The following ADPGK variants were observed in gnomAD, a reference collection of about 807,000 sequenced individuals.
The protein encoded by ADPGK is ADP dependent glucokinase.
Under a neutral mutation model 42.4 loss-of-function variants are expected in ADPGK, and 26 were observed. The ratio of observed to expected loss-of-function variants is 0.61; its 90% CI spans 0.45 to 0.85. ADPGK has a LOEUF of 0.85. Among genes scored for constraint, ADPGK ranks in the 40% least tolerant of loss-of-function variants. The probability of loss-of-function intolerance (pLI) is 0.00; values close to 1 mark genes in which losing one functional copy is unlikely to be tolerated. For synonymous variants in ADPGK, 267 were observed against 252.6 expected, an observed-to-expected ratio of 1.06 and a Z score of -0.54; for missense variants, 571 against 627.0, an observed-to-expected ratio of 0.91 and a Z score of 0.95.
At chr15:72,780,659 G>T (rs1430849897) in intron 1 of ADPGK, among the ~76,000 whole-genome samples, 1 of 152,150 alleles carries the variant, frequency 6.6e-6, no homozygotes, top group African/African-American at 2.4e-5. Context: ...AGCCGGGTGT[G>T]GTGGTACATG....
rs2066108008 is a variant in ADPGK at position 72,755,975 on chromosome 15, T to C, written c.840+276A>G. 3 of 663,000 alleles carry C rather than the reference T, an allele frequency of 4.5e-6. No homozygotes were observed. In the East Asian group the frequency reaches 8.9e-5, roughly 20 times the overall value. 41.1% of individuals were successfully genotyped at this position (663,000 alleles called of 1,614,324 possible). A position where few individuals can be genotyped will look rare whatever the true frequency, so the allele number is the denominator to read the frequency against. ...TACAAATAACACAAAGGACACAAAC[T>C]ACAAACCCTGCAGCTTGCAGCCATG... On this transcript the variant is annotated intron_variant, in intron 5 of 6. Transcript: ENST00000456471.
In ADPGK at chr15:72,783,584, C is replaced by T. The variant is rs1352541057; in HGVS notation, c.108G>A (p.Trp36Ter). ...GCGCGGGCCCCAGACACAGCGAGCT[C>T]CAGAGAGAGCGCAGCGCCGAGCCTG... ...ELPGSALRSL[W>*]SSLCLGPAPA... Residue 36 changes from tryptophan to a stop codon, truncating the protein, a stop_gained, in exon 1 of 7, where the codon TGG becomes TGA. Coordinates refer to ENST00000456471, the MANE Select transcript of ADPGK (RefSeq NM_001365225.1). LOFTEE classifies it high-confidence loss of function. 6.6e-7 allele frequency: 1 copy of T among 1,516,090 alleles called. No individual in the cohort carries two copies. The highest frequency in any genetic ancestry group is 8.8e-7 in the Non-Finnish European group (1 of 1,140,144). 93.9% of individuals were successfully genotyped at this position (1,516,090 alleles called of 1,614,324 possible). A position where few individuals can be genotyped will look rare whatever the true frequency, so the allele number is the denominator to read the frequency against.
chr15:72,760,231 C>T, intron 4 of ADPGK, 176 bp downstream of exon 4: 1 of 714,456 alleles, frequency 1.4e-6, no homozygotes, highest in South Asian at 3.1e-5. Context: ...CTCAGTCTCC[C>T]TTGAGACAAC....
At chr15:72,774,218 A>G (rs190383696) in intron 2 of ADPGK, among the ~76,000 whole-genome samples, 5 of 152,366 alleles carry the variant, frequency 3.3e-5, no homozygotes, top group Non-Finnish European at 7.3e-5. Context: ...AATGGCATTA[A>G]GAGCTTCCCT....
chr15:72,775,342 G>C (rs1217819362), intron 1 of ADPGK, among the ~76,000 whole-genome samples: 10 of 152,208 alleles, frequency 6.6e-5, no homozygotes, highest in Non-Finnish European at 1.5e-4. Flanking sequence ...GTTACAAAGT[G>C]AGAAGATAGG....
chr15:72,773,664 C>T (rs2066354918), intron 2 of ADPGK, among the ~76,000 whole-genome samples: 1 of 152,088 alleles, frequency 6.6e-6, no homozygotes, highest in African/African-American at 2.4e-5. Context: ...GGTTTAAATT[C>T]CGTAATCATA....
At chr15:72,763,318 ATTTT>A (rs34099103) in intron 3 of ADPGK, among the ~76,000 whole-genome samples, 1 of 123,676 alleles carries the variant, frequency 8.1e-6, no homozygotes, top group Admixed American at 8.1e-5. Context: ...CACTCGGCTA[ATTTT>A]TTTTTTTTTT....
At chr15:72,771,740 C>T in intron 3 of ADPGK, 43 bp downstream of exon 3, 2 of 1,548,480 alleles carry the variant, frequency 1.3e-6, no homozygotes, top group Non-Finnish European at 1.8e-6. Context: ...ATTATTGAAA[C>T]ACTAGGGAAA....
At chr15:72,780,242 G>A (rs1315959520) in intron 1 of ADPGK, among the ~76,000 whole-genome samples, 2 of 152,182 alleles carry the variant, frequency 1.3e-5, no homozygotes, top group Non-Finnish European at 2.9e-5. Context: ...CATTCATGGT[G>A]GAAGGTGAAG....
intron 3 of ADPGK, among the ~76,000 whole-genome samples, chr15:72,770,023 G>C (rs922659627): frequency 1.3e-5 from 2 of 152,212 alleles, no homozygotes; most frequent in Admixed American, 1.3e-4. Flanking sequence ...AAAATACCTA[G>C]TTCTTAATCT....
In ADPGK at chr15:72,776,189, GAGAA is replaced by G. The variant is rs573093127; in HGVS notation, c.234-1096_234-1093del. On this transcript the variant is annotated intron_variant, in intron 1 of 6. Transcript: ENST00000456471. Reference sequence around the variant, plus strand: ...GCATGACCTCTCCTATGTGTGTATGGAGAAAGTCTGTCTTACATTTTCAGGGTTT... The same window carrying G: ...GCATGACCTCTCCTATGTGTGTATGGAGTCTGTCTTACATTTTCAGGGTTT... Among the ~76,000 whole-genome samples the G allele has an allele frequency of 3.2e-4, 48 of 152,278 alleles. No individual in the cohort carries two copies. In the East Asian group the frequency reaches 9.1e-3, roughly 29 times the overall value.
intron 6 of ADPGK, 95 bp from the exon 7 acceptor site, chr15:72,752,990 A>G: frequency 7.7e-7 from 1 of 1,295,110 alleles, no homozygotes. Flanking sequence ...CAGGGAACAC[A>G]GGCAGGCAGC....
intron 3 of ADPGK, among the ~76,000 whole-genome samples, chr15:72,761,143 G>A (rs1310475625): frequency 6.6e-6 from 1 of 152,168 alleles, no homozygotes; most frequent in Non-Finnish European, 1.5e-5. Flanking sequence ...TCTCCACTGT[G>A]AGAAAATAAA....
Position 72,771,861 on chromosome 15 carries a change from A to G in ADPGK, c.460-16T>C, listed in dbSNP as rs1262469955. 6.2e-7 allele frequency: 1 copy of G among 1,600,512 alleles called. No homozygotes were observed. The highest frequency in any genetic ancestry group is 1.3e-5 in the African/African-American group (1 of 74,460). On this transcript the variant is annotated splice_polypyrimidine_tract_variant and intron_variant, in intron 2 of 6. Transcript: ENST00000456471. ...CTACATAGTGCTGTAAGAGAGTTCA[A>G]GGCTTTTAGACAGTATTTTAATACA...
At chr15:72,769,590 G>A (rs924936298) in intron 3 of ADPGK, among the ~76,000 whole-genome samples, 1 of 152,078 alleles carries the variant, frequency 6.6e-6, no homozygotes, top group Non-Finnish European at 1.5e-5. Context: ...CAGGTAATCC[G>A]CCTGCCTCGG....
chr15:72,780,460 T>C (rs924816386), intron 1 of ADPGK, among the ~76,000 whole-genome samples: 3 of 152,170 alleles, frequency 2.0e-5, no homozygotes, highest in Admixed American at 2.0e-4. Flanking sequence ...AAGATGAGAT[T>C]TGAGTGGGGA....
intron 4 of ADPGK, among the ~76,000 whole-genome samples, chr15:72,759,652 GTC>G (rs1390397995): frequency 6.6e-6 from 1 of 152,202 alleles, no homozygotes; most frequent in Non-Finnish European, 1.5e-5. Flanking sequence ...GTACCAATTA[GTC>G]TGTTTAGATG....
At chr15:72,758,103 C>G (rs1469778478) in intron 4 of ADPGK, 1 of 1,612,908 alleles carries the variant, frequency 6.2e-7, no homozygotes, top group Non-Finnish European at 8.5e-7. Context: ...TTGCTTTGTC[C>G]CTCCATCATG....
intron 4 of ADPGK, chr15:72,757,835 C>T (rs996442939): frequency 1.7e-5 from 7 of 404,776 alleles, no homozygotes; most frequent in African/African-American, 1.0e-4. Context: ...GGAAACACGA[C>T]CTAACTGAAC....
Sources: gnomAD v4.1 joint callset for allele counts (sites outside exome capture counted in the v4.1 genomes callset) on GRCh38, gnomAD v4.1.1 for gene constraint, MANE v1.5 for transcripts, NCBI Gene and HGNC (gene_info 2026-07-23, HGNC 2026-07-21) for gene names.